PUDP: variants seen among roughly 807,000 people sequenced by gnomAD.
The protein encoded by PUDP is pseudouridine-5'-phosphatase.
In PUDP, 8 loss-of-function variants were observed where a neutral mutation model predicts 9.4. The observed-to-expected ratio is 0.85, with a 90% CI of 0.50 to 1.53. The LOEUF (loss-of-function observed/expected upper bound fraction) is 1.53. Ranked by LOEUF, PUDP falls within the 40% of genes most tolerant of loss-of-function variation. The pLI is 0.00. For synonymous variants in PUDP, 99 were observed against 80.7 expected (o/e 1.23, Z -1.22); for missense variants, 188 against 189.7 (o/e 0.99, Z 0.05).
chrX:6,820,800 G>A (rs1926329375), intron 3 of PUDP, among the ~76,000 whole-genome samples: 1 of 111,553 alleles, frequency 9.0e-6, no homozygotes, highest in African/African-American at 3.3e-5. Flanking sequence ...GAGTGTCTGC[G>A]GCTTTTCCAG....
intron 3 of PUDP, among the ~76,000 whole-genome samples, chrX:6,843,444 C>A (rs1191846609): frequency 9.0e-6 from 1 of 111,156 alleles, no homozygotes; most frequent in Non-Finnish European, 1.9e-5. Context: ...ACACAAATAT[C>A]CTATAAAAAA....
intron 3 of PUDP, among the ~76,000 whole-genome samples, chrX:6,791,291 T>C (rs1425758433): frequency 2.2e-5 from 2 of 90,744 alleles, no homozygotes; most frequent in Non-Finnish European, 4.2e-5. Context: ...GGAGGTTGAG[T>C]CTAGGTAACA....
In PUDP at chrX:7,080,639, G is replaced by A. The variant is rs1216844483; in HGVS notation, c.281-3190C>T. On this transcript the variant is annotated intron_variant, in intron 2 of 3. Transcript: ENST00000381077. ...ATCCATTAGTTAAAAATACTAAAAT[G>A]CCACACTATTTCATTAGTTTGCAAC... 3.6e-5 allele frequency among the ~76,000 whole-genome samples: 4 copies of A among 112,185 alleles called. No individual in the cohort carries two copies. The East Asian group carries it at 1.1e-3, about 31-fold the overall frequency.
intron 3 of PUDP, among the ~76,000 whole-genome samples, chrX:6,964,761 C>T (rs988167486): frequency 4.5e-5 from 5 of 111,181 alleles, no homozygotes; most frequent in Admixed American, 9.6e-5. Flanking sequence ...ATGTTCATGC[C>T]GCCATGGATT....
rs187395040 is a variant in PUDP, at chrX:6,816,462, T to C, written c.*248-109996A>G. On this transcript the variant is annotated intron_variant and NMD_transcript_variant, in intron 3 of 3. Coordinates refer to the PUDP transcript ENST00000655425. ...TACCATATATACTATATATAGTACCTACATACTATACTATATGGTATACTA... is the reference window on the plus strand; with the variant it reads ...TACCATATATACTATATATAGTACCCACATACTATACTATATGGTATACTA... Among the ~76,000 whole-genome samples, 21 of 103,419 alleles carry C rather than the reference T, an allele frequency of 2.0e-4. No homozygotes were observed. In the East Asian group the frequency reaches 6.5e-3, roughly 32 times the overall value. 89.8% of individuals were successfully genotyped at this position (103,419 alleles called of 115,157 possible). A position where few individuals can be genotyped will look rare whatever the true frequency, so the allele number is the denominator to read the frequency against.
chrX:6,828,746 A>T (rs1926462060), intron 3 of PUDP, among the ~76,000 whole-genome samples: 1 of 111,226 alleles, frequency 9.0e-6, no homozygotes, highest in Non-Finnish European at 1.9e-5. Flanking sequence ...CTCTCTCCAT[A>T]GTTTTGCCCT....
In PUDP at chrX:6,711,123, T is replaced by C. The variant is rs1362971318; in HGVS notation, n.129-4657A>G. 2.7e-5 allele frequency among the ~76,000 whole-genome samples: 3 copies of C among 111,789 alleles called. No homozygotes were observed. In the South Asian group the frequency reaches 1.1e-3, roughly 42 times the overall value. ...AAATCACTGACAAGAGGCAGATTAA[T>C]AGGAGAAATGGCGCAAACATTTATT... On this transcript the variant is annotated intron_variant and non_coding_transcript_variant, in intron 1 of 2. Transcript: ENST00000438499.
intron 3 of PUDP, among the ~76,000 whole-genome samples, chrX:6,836,472 C>T (rs1926584205): frequency 8.9e-6 from 1 of 112,114 alleles, no homozygotes; most frequent in Non-Finnish European, 1.9e-5. Context: ...TCCTTGCATT[C>T]GTTGCCTCAT....
At chrX:6,990,656 A>G (rs939815694) in intron 1 of PUDP, among the ~76,000 whole-genome samples, 21 of 111,880 alleles carry the variant, frequency 1.9e-4, no homozygotes. Flanking sequence ...TAGCAACTGG[A>G]TCTCGCCTCA....
chrX:7,057,906 G>C, intron 3 of PUDP: 10 of 631,112 alleles, frequency 1.6e-5, no homozygotes, highest in African/African-American at 2.2e-5. Flanking sequence ...GAAGGAGAAG[G>C]GCCCGCGGCT....
At chrX:7,071,485 A>G (rs1930729404) in intron 3 of PUDP, among the ~76,000 whole-genome samples, 1 of 110,847 alleles carries the variant, frequency 9.0e-6, no homozygotes, top group African/African-American at 3.3e-5. Context: ...CAAAGTCCTC[A>G]CGATTGATTC....
At chrX:6,860,295 T>C (rs1382526540) in intron 3 of PUDP, among the ~76,000 whole-genome samples, 2 of 109,788 alleles carry the variant, frequency 1.8e-5, no homozygotes, top group Non-Finnish European at 3.8e-5. Context: ...ATTTTTTCTC[T>C]TTATTATTTT....
At chrX:6,738,772 A>G (rs1361969305) in intron 3 of PUDP, among the ~76,000 whole-genome samples, 1 of 111,052 alleles carries the variant, frequency 9.0e-6, no homozygotes, top group African/African-American at 3.3e-5. Context: ...AGTTGAGAAA[A>G]CCTACCCCAA....
chrX:6,802,412 T>C (rs1406720594), intron 3 of PUDP, among the ~76,000 whole-genome samples: 2 of 111,638 alleles, frequency 1.8e-5, no homozygotes, highest in Non-Finnish European at 3.8e-5. Flanking sequence ...ATTTTACAGA[T>C]AGGAAAACTG....
chrX:6,759,181 C>G (rs1394961727), intron 3 of PUDP, among the ~76,000 whole-genome samples: 1 of 112,187 alleles, frequency 8.9e-6, no homozygotes, highest in Non-Finnish European at 1.9e-5. Flanking sequence ...GTCAGCTGTT[C>G]CCTTGTTTTC....
chrX:6,997,312 T>C (rs1188785278), intron 1 of PUDP, among the ~76,000 whole-genome samples: 1 of 112,463 alleles, frequency 8.9e-6, no homozygotes, highest in African/African-American at 3.2e-5. Context: ...ACCTACATAA[T>C]GGTAAAAACC....
chrX:7,072,831 AC>A lies in PUDP; in HGVS notation c.510+4388del, dbSNP rs761885362. ...TGTGTCTCAAAAAAAAAAAAAAAAAACAAAACTGATTTCCGATTTCTGGTTT... is the reference window on the plus strand; with the variant it reads ...TGTGTCTCAAAAAAAAAAAAAAAAAAAAAACTGATTTCCGATTTCTGGTTT... On this transcript the variant is annotated intron_variant, in intron 3 of 3. Transcript: ENST00000381077. 3.5e-3 allele frequency among the ~76,000 whole-genome samples: 378 copies of A among 107,339 alleles called. 20 individuals carry two copies. The East Asian group carries it at 0.046, about 13-fold the overall frequency. The allele number at this position is 107,339 out of a possible 115,157, so 93.2% of individuals were successfully genotyped here.
Position 6,915,833 on chromosome X carries a change from TTATAA to T in PUDP, c.*247+61295_*247+61299del, listed in dbSNP as rs745959044. Among the ~76,000 whole-genome samples the T allele has an allele frequency of 1.6e-3, 181 of 111,551 alleles. 2 individuals carry two copies. Among genetic ancestry groups the T allele is most frequent in the African/African-American group, 5.4e-3 (166 of 30,751 alleles). On this transcript the variant is annotated intron_variant and NMD_transcript_variant, in intron 3 of 3. Transcript: ENST00000655425. ...TGTTCAATAATGACTGCCCTAGGTG[TTATAA>T]TATGTGATCTCACTTAATGGTATAA...
intron 3 of PUDP, among the ~76,000 whole-genome samples, chrX:6,858,816 T>C (rs1183160340): frequency 9.0e-6 from 1 of 111,487 alleles, no homozygotes; most frequent in African/African-American, 3.3e-5. Context: ...GAGGATTAAA[T>C]CCTTTAACTT....
Sources: allele counts gnomAD v4.1 joint callset (sites outside exome capture counted in the v4.1 genomes callset), GRCh38; gene constraint gnomAD v4.1.1; transcripts MANE v1.5; gene names NCBI Gene and HGNC (gene_info 2026-07-23, HGNC 2026-07-21).